The following CPM variants were observed in gnomAD, a reference collection of about 807,000 sequenced individuals.
CPM encodes carboxypeptidase M, also known as renal carboxypeptidase.
In CPM, 35 loss-of-function variants were observed where a neutral mutation model predicts 46.4. The ratio of observed to expected loss-of-function variants is 0.75; its 90% CI spans 0.58 to 1.00. CPM has a LOEUF of 1.00. Ranked by LOEUF, CPM falls within the 50% of genes least tolerant of loss-of-function variation. CPM has a pLI of 0.00. For synonymous variants in CPM, 195 were observed against 195.3 expected (o/e 1.00, Z 0.01); for missense variants, 422 against 530.4 (o/e 0.80, Z 2.01).
chr12:68,856,834 G>A (rs1884995488), intron 8 of CPM, among the ~76,000 whole-genome samples, 155 bp from the exon 9 acceptor site: 1 of 152,246 alleles, frequency 6.6e-6, no homozygotes, highest in Non-Finnish European at 1.5e-5. Context: ...TGGTCCTGCA[G>A]GCTGAGTTAT....
At chr12:68,886,318 G>GA (rs34578324) in intron 2 of CPM, among the ~76,000 whole-genome samples, 57 of 80,376 alleles carry the variant, frequency 7.1e-4, no homozygotes, top group East Asian at 5.2e-3. Context: ...TACAAGGAAA[G>GA]AAAAAAAAAC....
intron 6 of CPM, among the ~76,000 whole-genome samples, chr12:68,867,493 A>G (rs1014130181): frequency 3.3e-5 from 5 of 152,380 alleles, no homozygotes; most frequent in Middle Eastern, 3.4e-3. Flanking sequence ...TGGGGGAATC[A>G]TGGGCCAACA....
At chr12:68,866,160 G>C (rs1026737402) in intron 7 of CPM, among the ~76,000 whole-genome samples, 1 of 152,174 alleles carries the variant, frequency 6.6e-6, no homozygotes, top group Non-Finnish European at 1.5e-5. Context: ...AAAATGCAAA[G>C]TGGTATGTCC....
intron 2 of CPM, among the ~76,000 whole-genome samples, chr12:68,899,070 T>TA (rs1440118724): frequency 6.6e-6 from 1 of 152,216 alleles, no homozygotes; most frequent in Non-Finnish European, 1.5e-5. Flanking sequence ...GCCAATTTGT[T>TA]ATGCCAAGAG....
In CPM at chr12:68,897,638, T is replaced by C. The variant is rs190423723; in HGVS notation, c.161-11749A>G. ...TGTAATCCCAGCTACTCAGGAGGCT[T>C]GGGCAGGAGAATCGCTTGAACCCGG... On this transcript the variant is annotated intron_variant, in intron 2 of 8. Transcript: ENST00000551568. Among the ~76,000 whole-genome samples the C allele has an allele frequency of 5.9e-3, 871 of 148,658 alleles. 13 individuals carry two copies. The highest frequency in any genetic ancestry group is 0.02 in the African/African-American group (800 of 40,114).
At chr12:68,867,907 C>T (rs1034442911) in intron 6 of CPM, among the ~76,000 whole-genome samples, 3 of 152,182 alleles carry the variant, frequency 2.0e-5, no homozygotes, top group African/African-American at 4.8e-5. Context: ...GAATGCCAAG[C>T]GTGGAGGGGG....
At chr12:68,848,519 C>CA (rs1252658391), downstream of CPM, 1 of 151,684 alleles carries the variant, frequency 6.6e-6, no homozygotes, top group African/African-American at 2.4e-5. Flanking sequence ...CAATAAATGG[C>CA]AAAAAAGAAG....
rs140239252 is a variant in CPM, at chr12:68,938,326, C to T, written c.-3-5486G>A. 5.3e-5 allele frequency among the ~76,000 whole-genome samples: 8 copies of T among 151,990 alleles called. No individual in the cohort carries two copies. The East Asian group carries it at 9.7e-4, about 18-fold the overall frequency. On this transcript the variant is annotated intron_variant, in intron 1 of 8. Coordinates refer to the CPM transcript ENST00000546373. ...CTGGGGCAGGAGGATTGCTTGACCC[C>T]AGGGGTTTGAGGTTGCAGTGAGCCA...
chr12:68,960,671 T>G (rs1889096122), intron 1 of CPM, among the ~76,000 whole-genome samples: 1 of 152,200 alleles, frequency 6.6e-6, no homozygotes, highest in South Asian at 2.1e-4. Context: ...TGGGGCCTTT[T>G]GTTAAAATAT....
chr12:68,900,318 A>G (rs1887061036), intron 2 of CPM, among the ~76,000 whole-genome samples: 1 of 152,230 alleles, frequency 6.6e-6, no homozygotes, highest in Non-Finnish European at 1.5e-5. Context: ...GGAAAGGCAA[A>G]TTAAAACAAC....
intron 1 of CPM, among the ~76,000 whole-genome samples, chr12:68,944,738 A>G (rs535515427): frequency 5.3e-5 from 8 of 151,804 alleles, no homozygotes; most frequent in African/African-American, 1.5e-4. Flanking sequence ...TTAAATTACA[A>G]TAAAGAAGTG....
chr12:68,901,143 T>C (rs997359231), intron 2 of CPM, among the ~76,000 whole-genome samples: 1 of 152,242 alleles, frequency 6.6e-6, no homozygotes, highest in Non-Finnish European at 1.5e-5. Context: ...TCTTGGGTTT[T>C]AAGTAAATAT....
chr12:68,877,137 T>A (rs1174671852), intron 3 of CPM, among the ~76,000 whole-genome samples: 1 of 152,238 alleles, frequency 6.6e-6, no homozygotes, highest in Admixed American at 6.5e-5. Flanking sequence ...CATACTTTTC[T>A]TGACCTCCCA....
intron 2 of CPM, among the ~76,000 whole-genome samples, chr12:68,915,954 A>T (rs970868247): frequency 6.6e-6 from 1 of 152,206 alleles, no homozygotes; most frequent in Non-Finnish European, 1.5e-5. Flanking sequence ...TAAAGGGCCT[A>T]GCACAGTGCA....
At chr12:68,898,722 A>G (rs1299169758) in intron 2 of CPM, among the ~76,000 whole-genome samples, 1 of 152,252 alleles carries the variant, frequency 6.6e-6, no homozygotes, top group Non-Finnish European at 1.5e-5. Flanking sequence ...TGAAATGTGC[A>G]GGTTCCAGAA....
upstream of CPM, among the ~76,000 whole-genome samples, chr12:68,936,557 T>C (rs1888676080): frequency 6.6e-6 from 1 of 152,136 alleles, no homozygotes; most frequent in Non-Finnish European, 1.5e-5. Context: ...CTAATTTTTG[T>C]ATTTTTAGTA....
chr12:68,912,118 C>G (rs1321597435), intron 2 of CPM: 2 of 152,300 alleles, frequency 1.3e-5, no homozygotes, highest in African/African-American at 4.8e-5. Flanking sequence ...AGCAATTCTC[C>G]TGCCTCAGCC....
At chr12:68,898,433 G>A (rs1460917784) in intron 2 of CPM, among the ~76,000 whole-genome samples, 2 of 152,178 alleles carry the variant, frequency 1.3e-5, no homozygotes, top group Admixed American at 6.5e-5. Flanking sequence ...ATTCTAAAGT[G>A]AAGCAAGTGA....
chr12:68,857,993 G>C (rs1885048623), intron 8 of CPM, among the ~76,000 whole-genome samples: 1 of 152,174 alleles, frequency 6.6e-6, no homozygotes, highest in South Asian at 2.1e-4. Flanking sequence ...TTCCTAAAAG[G>C]ATTAGCAATT....
Sources: allele counts gnomAD v4.1 joint callset (sites outside exome capture counted in the v4.1 genomes callset), GRCh38; gene constraint gnomAD v4.1.1; transcripts MANE v1.5; gene names NCBI Gene and HGNC (gene_info 2026-07-23, HGNC 2026-07-21).